STPG2: variants seen among roughly 807,000 people sequenced by gnomAD.
STPG2 encodes sperm tail PG-rich repeat containing 2, also known as sperm-tail PG-rich repeat-containing protein 2.
A neutral mutation model predicts 54.2 loss-of-function variants in STPG2; 56 were observed. The ratio of observed to expected loss-of-function variants is 1.03; its 90% CI spans 0.83 to 1.29. The LOEUF (loss-of-function observed/expected upper bound fraction) is 1.29. Among genes scored for constraint, STPG2 ranks in the 50% most tolerant of loss-of-function variants. The probability of loss-of-function intolerance (pLI) is 0.00; values close to 1 mark genes in which losing one functional copy is unlikely to be tolerated. For missense variants in STPG2, 596 were observed against 544.9 expected (o/e 1.09, Z -0.93); for synonymous variants, 200 against 181.8 (o/e 1.10, Z -0.81).
At chr4:97,535,066 C>CAACATTTATGTAAGGCTCATA (rs1731498032) in intron 4 of STPG2, among the ~76,000 whole-genome samples, 1 of 152,076 alleles carries the variant, frequency 6.6e-6, no homozygotes, top group African/African-American at 2.4e-5. Flanking sequence ...AAATTATGAA[C>CAACATTTATGTAAGGCTCATA]AACATTTATG....
chr4:97,649,074 G>T (rs140132414), intron 10 of STPG2, among the ~76,000 whole-genome samples: 1 of 152,026 alleles, frequency 6.6e-6, no homozygotes, highest in African/African-American at 2.4e-5. Context: ...CTCACTAATT[G>T]TCAGAAAATG....
chr4:97,901,485 A>T (rs563466656), intron 8 of STPG2, among the ~76,000 whole-genome samples: 3 of 152,152 alleles, frequency 2.0e-5, no homozygotes, highest in African/African-American at 7.2e-5. Context: ...TAATACAGTA[A>T]TGTTACAGAA....
intron 5 of STPG2, among the ~76,000 whole-genome samples, chr4:98,017,048 C>A (rs994621215): frequency 5.9e-5 from 9 of 152,306 alleles, no homozygotes; most frequent in African/African-American, 2.2e-4. Context: ...AGGCCTGTTG[C>A]CTGTGTCCAC....
intron 9 of STPG2, among the ~76,000 whole-genome samples, chr4:97,817,407 C>T (rs181113062): frequency 6.4e-4 from 97 of 151,908 alleles, no homozygotes; most frequent in African/African-American, 2.3e-3. Context: ...TTAAATGTCA[C>T]GATAAAATTG....
At position 97,589,466 on chromosome 4, in the gene STPG2, A is replaced by G. The variant is rs545981649; in HGVS notation, c.1321-30349T>C. Among the ~76,000 whole-genome samples, 4 of 152,256 alleles carry G rather than the reference A, an allele frequency of 2.6e-5. No homozygotes were observed. The South Asian group carries it at 8.3e-4, about 32-fold the overall frequency. ...TTTTAACCTAACAATTGTTAAATTC[A>G]TTGATTCATATATTAATTTAATAAT... is the stretch of plus-strand genomic sequence containing the variant. On this transcript the variant is annotated intron_variant, in intron 10 of 10. Coordinates refer to ENST00000295268, the MANE Select transcript of STPG2 (RefSeq NM_174952.3).
At chr4:97,972,231 G>T in intron 7 of STPG2, 49 bp downstream of exon 7, 1 of 1,258,780 alleles carries the variant, frequency 7.9e-7, no homozygotes. Flanking sequence ...AGAACCCTAA[G>T]AGCTTGATAT....
intron 4 of STPG2, among the ~76,000 whole-genome samples, chr4:97,456,956 C>A (rs1417251082): frequency 7.2e-6 from 1 of 139,600 alleles, no homozygotes; most frequent in Admixed American, 6.9e-5. Context: ...TAGATAGATA[C>A]CTTGCCAAAG....
At chr4:97,685,120 T>C (rs1267490537) in intron 10 of STPG2, among the ~76,000 whole-genome samples, 1 of 152,074 alleles carries the variant, frequency 6.6e-6, no homozygotes, top group Non-Finnish European at 1.5e-5. Context: ...TCATTGCTGA[T>C]GGAAATGCAA....
intron 10 of STPG2, among the ~76,000 whole-genome samples, chr4:97,708,206 A>T (rs982586854): frequency 6.6e-6 from 1 of 152,132 alleles, no homozygotes; most frequent in Admixed American, 6.5e-5. Context: ...ATGTTTTTTT[A>T]AAATATTACC....
chr4:97,886,733 A>G (rs1345991000), intron 8 of STPG2, among the ~76,000 whole-genome samples: 4 of 152,162 alleles, frequency 2.6e-5, no homozygotes, highest in African/African-American at 7.2e-5. Flanking sequence ...GGTTATTGAT[A>G]TGGTTTGGAT....
At chr4:97,803,262 A>C (rs1727451534) in intron 9 of STPG2, among the ~76,000 whole-genome samples, 1 of 152,190 alleles carries the variant, frequency 6.6e-6, no homozygotes, top group African/African-American at 2.4e-5. Flanking sequence ...AATTCTCTTT[A>C]AAATATGTTC....
intron 9 of STPG2, among the ~76,000 whole-genome samples, chr4:97,806,937 A>C (rs1727586230): frequency 6.6e-6 from 1 of 152,104 alleles, no homozygotes; most frequent in African/African-American, 2.4e-5. Context: ...TCCTTTTCTC[A>C]AATAACAGGT....
chr4:98,119,638 A>C (rs532677612), intron 3 of STPG2, among the ~76,000 whole-genome samples: 1 of 152,200 alleles, frequency 6.6e-6, no homozygotes, highest in Admixed American at 6.5e-5. Context: ...GTATATCAGC[A>C]GAATGTGCAG....
At chr4:97,940,638 T>G (rs1057030723) in intron 8 of STPG2, among the ~76,000 whole-genome samples, 7 of 152,324 alleles carry the variant, frequency 4.6e-5, no homozygotes, top group Non-Finnish European at 8.8e-5. Flanking sequence ...ATTGTGTTAT[T>G]CAGCTCTGTT....
At chr4:97,706,190 A>G (rs1397640756) in intron 10 of STPG2, among the ~76,000 whole-genome samples, 2 of 152,192 alleles carry the variant, frequency 1.3e-5, no homozygotes, top group Admixed American at 6.5e-5. Flanking sequence ...GCCCTTCTGA[A>G]AAAAGCAGAT....
chr4:97,764,214 A>C (rs568837117), intron 9 of STPG2, among the ~76,000 whole-genome samples: 1 of 152,010 alleles, frequency 6.6e-6, no homozygotes, highest in Middle Eastern at 3.4e-3. Context: ...TAGAGTCCTC[A>C]ACTCAAATGG....
chr4:97,878,382 C>A (rs1730252472), intron 8 of STPG2, among the ~76,000 whole-genome samples: 2 of 152,260 alleles, frequency 1.3e-5, no homozygotes, highest in African/African-American at 4.8e-5. Context: ...CCATGAGGGC[C>A]CCACCCCTGC....
At chr4:97,663,227 A>T (rs1447065289) in intron 10 of STPG2, among the ~76,000 whole-genome samples, 1 of 152,188 alleles carries the variant, frequency 6.6e-6, no homozygotes, top group Non-Finnish European at 1.5e-5. Flanking sequence ...TATGTAGGTC[A>T]CTATTATCAT....
intron 10 of STPG2, among the ~76,000 whole-genome samples, chr4:97,567,118 G>C (rs976370261): frequency 6.6e-6 from 1 of 151,256 alleles, no homozygotes; most frequent in African/African-American, 2.4e-5. Flanking sequence ...AGTTTATCAG[G>C]CTGGATTTTA....
Sources: allele counts gnomAD v4.1 joint callset (sites outside exome capture counted in the v4.1 genomes callset), GRCh38; gene constraint gnomAD v4.1.1; transcripts MANE v1.5; gene names NCBI Gene and HGNC (gene_info 2026-07-23, HGNC 2026-07-21).